CUL1: variants seen among roughly 807,000 people sequenced by gnomAD.
CUL1 encodes cullin 1, also known as cullin-1.
CUL1 carries 24 observed loss-of-function variants against 118.0 expected under a neutral mutation model. That is an observed-to-expected ratio of 0.20 (90% CI 0.15 to 0.29). The LOEUF is 0.29. Ranked by LOEUF, CUL1 falls within the 10% of genes least tolerant of loss-of-function variation. The pLI, the probability that CUL1 is intolerant of heterozygous loss-of-function variation, is 1.00. For missense variants in CUL1, 361 were observed against 933.8 expected (o/e 0.39, Z 7.99); for synonymous variants, 332 against 340.4 (o/e 0.98, Z 0.27).
chr7:148,730,132 A>G lies in CUL1; in HGVS notation c.10A>G (p.Thr4Ala). MSS[T>A]RSQNPHGLKQ... is the part of the protein sequence containing the mutation. ...TAGAACATCCCTCACAATGTCGTCA[A>G]CCCGGAGCCAGAACCCCCACGGCCT... The change falls in exon 2 of 22, where the codon ACC becomes GCC. Residue 4 changes from threonine (T) to alanine (A), a missense_variant. By Grantham distance (58) the Thr-to-Ala change is moderately conservative (BLOSUM62 0). Transcript: ENST00000325222. The G allele has an allele frequency of 3.1e-6, 5 of 1,613,632 alleles. No individual in the cohort carries two copies. Among genetic ancestry groups the G allele is most frequent in the Non-Finnish European group, 4.2e-6 (5 of 1,179,852 alleles).
At chr7:148,739,905 A>G (rs988051860) in intron 2 of CUL1, among the ~76,000 whole-genome samples, 3 of 152,194 alleles carry the variant, frequency 2.0e-5, no homozygotes, top group African/African-American at 7.2e-5. Flanking sequence ...TATGGTGTAC[A>G]GTAAGGCTTA....
Position 148,784,056 on chromosome 7 carries a change from G to T in CUL1, c.1277G>T (p.Cys426Phe), listed in dbSNP as rs1800741959. ...TCCCCTGAGTTGCTGGCTCGATACT[G>T]TGACTCCTTGTTGAAGAAAAGGTAT... The part of the protein sequence containing the change: ...SKSPELLARY[C>F]DSLLKKSSKN... Residue 426 changes from cysteine to phenylalanine, a missense_variant, in exon 11 of 22, where the codon TGT (cysteine) becomes TTT (phenylalanine). By Grantham distance (205) the Cys-to-Phe change is radical. This residue lies in a region of CUL1 where 169 missense variants were observed against 429.7 expected (regional missense o/e 0.39). Coordinates refer to ENST00000325222, the MANE Select transcript of CUL1 (RefSeq NM_003592.3). The T allele has an allele frequency of 6.2e-7, 1 of 1,613,796 alleles. No homozygotes were observed. Among genetic ancestry groups the T allele is most frequent in the Non-Finnish European group, 8.5e-7 (1 of 1,179,818 alleles).
intron 2 of CUL1, among the ~76,000 whole-genome samples, chr7:148,736,503 ATGT>A (rs1454663676): frequency 2.0e-5 from 3 of 151,916 alleles, no homozygotes; most frequent in African/African-American, 4.8e-5. Context: ...GAGTCTTGCT[ATGT>A]TGCCCAGGCT....
chr7:148,741,784 G>A (rs902552838), intron 2 of CUL1, among the ~76,000 whole-genome samples: 5 of 152,068 alleles, frequency 3.3e-5, no homozygotes, highest in Non-Finnish European at 5.9e-5. Context: ...ACGTTGGCCA[G>A]GCTGGTCTCG....
intron 7 of CUL1, among the ~76,000 whole-genome samples, chr7:148,761,563 G>C (rs777993239): frequency 3.3e-5 from 5 of 152,202 alleles, no homozygotes; most frequent in Non-Finnish European, 5.9e-5. Flanking sequence ...TCTAAGGAAT[G>C]ACCTAGGTCT....
At chr7:148,749,160 T>C (rs1158645904) in intron 2 of CUL1, among the ~76,000 whole-genome samples, 1 of 152,182 alleles carries the variant, frequency 6.6e-6, no homozygotes, top group Non-Finnish European at 1.5e-5. Context: ...CTCACGCCTG[T>C]AATCCCAGCA....
chr7:148,772,440 A>C (rs2129461397), intron 9 of CUL1, among the ~76,000 whole-genome samples: 1 of 150,122 alleles, frequency 6.7e-6, no homozygotes, highest in African/African-American at 2.5e-5. Context: ...AAAAAAACCC[A>C]CACATTCAGT....
rs544633031 is a variant in CUL1, at chr7:148,740,015, C to T, written c.140+9753C>T. On this transcript the variant is annotated intron_variant, in intron 2 of 21. Transcript: ENST00000325222. Reference sequence around the variant, plus strand: ...TGTCAACTTCTTGTCAATGTCTACCCCAAAAGTTGATTGATTGGAATGGTA... The same window carrying T: ...TGTCAACTTCTTGTCAATGTCTACCTCAAAAGTTGATTGATTGGAATGGTA... 6.6e-5 allele frequency among the ~76,000 whole-genome samples: 10 copies of T among 151,714 alleles called. No individual in the cohort carries two copies. In the East Asian group the frequency reaches 1.9e-3, roughly 29 times the overall value.
At chr7:148,715,400 T>TA (rs1798181778) in intron 1 of CUL1, among the ~76,000 whole-genome samples, 1 of 152,186 alleles carries the variant, frequency 6.6e-6, no homozygotes, top group Admixed American at 6.5e-5. Flanking sequence ...TCCTGGCACT[T>TA]ACCACAGTCA....
At chr7:148,737,571 T>TA (rs1554465923) in intron 2 of CUL1, among the ~76,000 whole-genome samples, 8,270 of 113,394 alleles carry the variant, frequency 0.073, 371 homozygotes, top group Middle Eastern at 0.12. Flanking sequence ...TATATATATA[T>TA]TTTTATATTT....
chr7:148,738,969 G>A (rs115891138), intron 2 of CUL1, among the ~76,000 whole-genome samples: 1,803 of 152,272 alleles, frequency 0.012, 35 homozygotes, highest in African/African-American at 0.041. Context: ...GGGGGCGGTG[G>A]GTTCAGGGAG....
intron 15 of CUL1, 51 bp downstream of exon 15, chr7:148,789,877 C>T: frequency 6.5e-7 from 1 of 1,530,920 alleles, no homozygotes; most frequent in South Asian, 1.1e-5. Flanking sequence ...GAGGGTGGGG[C>T]AGGGCAGCCT....
chr7:148,713,319 G>C (rs1798108920), intron 1 of CUL1, among the ~76,000 whole-genome samples: 1 of 152,132 alleles, frequency 6.6e-6, no homozygotes, highest in Non-Finnish European at 1.5e-5. Context: ...TGGACAAACT[G>C]GGCAGTCTTT....
chr7:148,742,357 G>C (rs554226403), intron 2 of CUL1, among the ~76,000 whole-genome samples: 1 of 152,158 alleles, frequency 6.6e-6, no homozygotes, highest in African/African-American at 2.4e-5. Flanking sequence ...CAGTAGGCAA[G>C]AGAGCTTATG....
chr7:148,783,530 T>C, intron 9 of CUL1: 1 of 1,360,648 alleles, frequency 7.3e-7, no homozygotes, highest in Non-Finnish European at 9.5e-7. Flanking sequence ...TCACTGTTTT[T>C]AATGCAAGCT....
intron 2 of CUL1, among the ~76,000 whole-genome samples, chr7:148,746,787 ATTTTC>A (rs1799322039): frequency 6.6e-6 from 1 of 152,196 alleles, no homozygotes; most frequent in South Asian, 2.1e-4. Flanking sequence ...AGTTGGCAGC[ATTTTC>A]TTTTCTTAAA....
In CUL1 at chr7:148,787,940, T is replaced by C. The variant is rs925650482; in HGVS notation, c.1480-617T>C. On this transcript the variant is annotated intron_variant, in intron 13 of 21. Coordinates refer to ENST00000325222, the MANE Select transcript of CUL1 (RefSeq NM_003592.3). This position sits in a 1 kb window ranked among gnomAD's most constrained non-coding sequence, Gnocchi z 5.5. ...CGTGGGCTGCCATGACGGAATACCA[T>C]AGACCAGGTAGCTTAAACAACAGAA... 9.2e-5 allele frequency among the ~76,000 whole-genome samples: 14 copies of C among 152,210 alleles called. No individual in the cohort carries two copies. The South Asian group carries it at 1.9e-3, about 20-fold the overall frequency.
intron 1 of CUL1, among the ~76,000 whole-genome samples, chr7:148,705,340 G>A (rs1003358794): frequency 6.6e-6 from 1 of 152,066 alleles, no homozygotes; most frequent in Non-Finnish European, 1.5e-5. Flanking sequence ...ATGTCATTAT[G>A]CTTAAGATAA....
rs376253954 is a variant in CUL1 at position 148,770,028 on chromosome 7, A to G, written c.1083+2279A>G. 5.6e-4 allele frequency among the ~76,000 whole-genome samples: 86 copies of G among 152,350 alleles called. 3 individuals are homozygous for G. The South Asian group carries it at 0.017, about 31-fold the overall frequency. On this transcript the variant is annotated intron_variant, in intron 9 of 21. Coordinates refer to ENST00000325222, the MANE Select transcript of CUL1 (RefSeq NM_003592.3). ...TCATGTTCCATTGTTTCTTTCTTGG[A>G]TACAATCAGCTGCCTGATATTTTAG...
Sources: allele counts gnomAD v4.1 joint callset (sites outside exome capture counted in the v4.1 genomes callset), GRCh38; gene constraint gnomAD v4.1.1; regional missense constraint gnomAD v4.1.1; non-coding constraint Gnocchi (gnomAD v3.1); transcripts MANE v1.5; gene names NCBI Gene and HGNC (gene_info 2026-07-23, HGNC 2026-07-21).